Variants in CLK3 observed in about 807,000 individuals in gnomAD.
The protein encoded by CLK3 is dual specificity protein kinase CLK3.
CLK3 carries 24 observed loss-of-function variants against 65.2 expected under a neutral mutation model. The observed-to-expected ratio is 0.37, with a 90% CI of 0.27 to 0.52. The LOEUF is 0.52. Among genes scored for constraint, CLK3 ranks in the 20% least tolerant of loss-of-function variants. CLK3 has a pLI of 0.92. For synonymous variants in CLK3, 252 were observed against 240.8 expected, an observed-to-expected ratio of 1.05 and a Z score of -0.43; for missense variants, 506 against 660.0, an observed-to-expected ratio of 0.77 and a Z score of 2.56.
At chr15:74,629,151 G>T (rs2062171039) in intron 12 of CLK3, 119 bp downstream of exon 12, 1 of 811,430 alleles carries the variant, frequency 1.2e-6, no homozygotes, top group South Asian at 1.4e-5. Context: ...CAGCTCTATG[G>T]GAGGCGGCAC....
At chr15:74,617,084 G>T (rs1596285830) in intron 1 of CLK3, among the ~76,000 whole-genome samples, 1 of 152,208 alleles carries the variant, frequency 6.6e-6, no homozygotes, top group Admixed American at 6.5e-5. Flanking sequence ...ATGTGTTAAA[G>T]GAAGGATACT....
upstream of CLK3, among the ~76,000 whole-genome samples, chr15:74,614,488 G>GT (rs1436654493): frequency 6.6e-6 from 1 of 152,184 alleles, no homozygotes; most frequent in Non-Finnish European, 1.5e-5. Context: ...GCTAATTTTT[G>GT]TAATTTTTTG....
At position 74,624,530 on chromosome 15, in the gene CLK3, A is replaced by C; in HGVS notation, c.534-372A>C. On this transcript the variant is annotated intron_variant, in intron 5 of 12. Transcript: ENST00000395066. The surrounding 1 kb of genome is among the most constrained non-coding windows in gnomAD (Gnocchi z 4.2). ...GCGCCGCAGGAGGGTTCTCGGTGGG[A>C]CAGCCTGGCCAGGGTTGGGGCTGCC... The C allele has an allele frequency of 1.1e-5, 2 of 186,088 alleles. No homozygotes were observed. Among genetic ancestry groups the C allele is most frequent in the Non-Finnish European group, 2.2e-5 (2 of 92,606 alleles). 11.5% of individuals were successfully genotyped at this position (186,088 alleles called of 1,614,324 possible).
chr15:74,612,467 C>G (rs1026532601), upstream of CLK3, among the ~76,000 whole-genome samples: 2 of 152,108 alleles, frequency 1.3e-5, no homozygotes, highest in East Asian at 3.9e-4. Flanking sequence ...GGGTCTGGGC[C>G]CAAGTCCACT....
In CLK3 at chr15:74,625,934, G is replaced by A; in HGVS notation, c.783G>A (p.Arg261=). The A allele has an allele frequency of 1.2e-6, 2 of 1,614,114 alleles. No individual in the cohort carries two copies. The highest frequency in any genetic ancestry group is 1.7e-5 in the Admixed American group (1 of 60,012). ...NFQPYPLPHV[R]HMAYQLCHAL... is the part of the protein sequence containing the mutation. ...AGCCTTACCCCCTACCACATGTCCG[G>A]CACATGGCCTACCAGCTCTGCCACG... Residue 261 remains arginine, a synonymous_variant, in exon 7 of 13, where the codon CGG becomes CGA. Transcript: ENST00000395066.
chr15:74,627,371 G>T lies in CLK3; in HGVS notation c.837G>T (p.Leu279=). The change falls in exon 8 of 13, where the codon CTG becomes CTT. Residue 279 remains leucine (L), a synonymous_variant. Coordinates refer to ENST00000395066, the MANE Select transcript of CLK3 (RefSeq NM_001130028.2). This position sits in a 1 kb window ranked among gnomAD's most constrained non-coding sequence, Gnocchi z 4.3. ...HALRFLHENQ[L]THTDLKPENI... is the part of the protein sequence containing the mutation. ...CCTTAGTTCTGCATGAGAATCAGCT[G>T]ACCCATACAGACTTGAAACCAGAGA... 1.2e-6 allele frequency: 2 copies of T among 1,613,872 alleles called. No homozygotes were observed. The highest frequency in any genetic ancestry group is 1.1e-5 in the South Asian group (1 of 91,034).
rs2062154696 is a variant in CLK3, at chr15:74,627,666, T to C, written c.1040T>C (p.Leu347Pro). Residue 347 changes from leucine (L) to proline (P), a missense_variant and splice_region_variant, in exon 9 of 13, where the codon CTT becomes CCT. Coordinates refer to ENST00000395066, the MANE Select transcript of CLK3 (RefSeq NM_001130028.2). The surrounding 1 kb of genome is among the most constrained non-coding windows in gnomAD (Gnocchi z 4.3). Reference protein sequence around the residue: ...TRHYRPPEVILELGWAQPCDV... With the variant: ...TRHYRPPEVIPELGWAQPCDV... ...CACTATCGCCCGCCTGAGGTGATCC[T>C]TGGTGAGTGACTGTATGGCCTGTGA... is the stretch of plus-strand genomic sequence containing the variant. The C allele has an allele frequency of 1.2e-6, 2 of 1,613,420 alleles. No individual in the cohort carries two copies. The highest frequency in any genetic ancestry group is 1.3e-5 in the African/African-American group (1 of 74,934).
chr15:74,629,665 C>T (rs754097374), intron 12 of CLK3, 42 bp from the exon 13 acceptor site: 22 of 1,541,184 alleles, frequency 1.4e-5, no homozygotes, highest in Admixed American at 8.6e-5. Context: ...TGGCTTCCCA[C>T]GACCCTGCCG....
chr15:74,628,888 A>G (rs901359646), intron 11 of CLK3, 54 bp from the exon 12 acceptor site: 11 of 1,329,618 alleles, frequency 8.3e-6, no homozygotes, highest in Non-Finnish European at 1.2e-5. Context: ...ACCTCCCACC[A>G]GAGGCTTGTC....
At position 74,623,515 on chromosome 15, in the gene CLK3, G is replaced by C. The variant is rs561579912; in HGVS notation, c.533+955G>C. The C allele has an allele frequency of 2.0e-5, 3 of 152,406 alleles. No individual in the cohort carries two copies. The East Asian group carries it at 5.8e-4, about 29-fold the overall frequency. 9.4% of individuals were successfully genotyped at this position (152,406 alleles called of 1,614,324 possible). On this transcript the variant is annotated intron_variant, in intron 5 of 12. Transcript: ENST00000395066. The stretch of plus-strand genomic sequence containing the variant: ...CAGCCTTTCCTGTGGCCACGAGATA[G>C]ACTGAGAGGAAGTGTCCATTTGCTC...
At chr15:74,625,071 C>A in intron 6 of CLK3, 53 bp downstream of exon 6, 1 of 1,357,530 alleles carries the variant, frequency 7.4e-7, no homozygotes, top group Non-Finnish European at 1.1e-6. Flanking sequence ...TGCTGGACCC[C>A]CAGGGGCTTA....
intron 2 of CLK3, 105 bp from the exon 3 acceptor site, chr15:74,619,904 C>A (rs2062087724): frequency 1.3e-6 from 2 of 1,546,084 alleles, no homozygotes; most frequent in South Asian, 1.2e-5. Context: ...ATGCTTTTAG[C>A]ACAGGCTGTC....
Position 74,624,657 on chromosome 15 carries a change from A to G in CLK3, c.534-245A>G, listed in dbSNP as rs2062129806. The G allele has an allele frequency of 1.8e-6, 1 of 559,052 alleles. No individual in the cohort carries two copies. Among genetic ancestry groups the G allele is most frequent in the Non-Finnish European group, 3.2e-6 (1 of 310,174 alleles). The allele number at this position is 559,052 out of a possible 1,614,324, so 34.6% of individuals were successfully genotyped here. A position where few individuals can be genotyped will look rare whatever the true frequency, so the allele number is the denominator to read the frequency against. ...CTCCTTTGGGAGCTGGCAGTGGCTG[A>G]GAACATAAAAGCCTAAGGATGGCAA... On this transcript the variant is annotated intron_variant, in intron 5 of 12. Transcript: ENST00000395066. The surrounding 1 kb of genome is among the most constrained non-coding windows in gnomAD (Gnocchi z 4.2).
At chr15:74,615,815 C>T (rs1483734544), upstream of CLK3, 2 of 1,246,790 alleles carry the variant, frequency 1.6e-6, no homozygotes, top group African/African-American at 1.5e-5. Flanking sequence ...GGCGGGGCTG[C>T]CACGGGCGGA....
intron 1 of CLK3, among the ~76,000 whole-genome samples, chr15:74,618,547 A>G (rs2062077198): frequency 6.6e-6 from 1 of 152,228 alleles, no homozygotes; most frequent in South Asian, 2.1e-4. Context: ...CGCTGGGTCC[A>G]CGTCCCCTTG....
rs2062111626 is a variant in CLK3 at position 74,622,481 on chromosome 15, T to G, written c.467-13T>G. 6.2e-7 allele frequency: 1 copy of G among 1,600,224 alleles called. No homozygotes were observed. Among genetic ancestry groups the G allele is most frequent in the Non-Finnish European group, 8.5e-7 (1 of 1,173,562 alleles). On this transcript the variant is annotated splice_polypyrimidine_tract_variant and intron_variant, in intron 4 of 12. Coordinates refer to ENST00000395066, the MANE Select transcript of CLK3 (RefSeq NM_001130028.2). The surrounding 1 kb of genome is among the most constrained non-coding windows in gnomAD (Gnocchi z 4.6). ...CCTCCAGATTCTCATGCCCAATTTC[T>G]TTTCTCTCCTAGATGAGATTGTGGG...
rs973645376 is a variant in CLK3 at position 74,619,177 on chromosome 15, C to G, written c.1-20C>G. The G allele has an allele frequency of 1.9e-6, 3 of 1,613,080 alleles. No individual in the cohort carries two copies. The highest frequency in any genetic ancestry group is 1.3e-5 in the African/African-American group (1 of 75,026). On this transcript the variant is annotated intron_variant, in intron 1 of 12. Transcript: ENST00000395066. ...GGCTGGCTGTGTGTTTAGCAGGGCT[C>G]TCTGTTCCTCGTGGCCTAGATGCAT...
In CLK3 at chr15:74,610,256, C is replaced by T. The variant is rs181920135; in HGVS notation, c.-1+1830C>T. Among the ~76,000 whole-genome samples the T allele has an allele frequency of 2.6e-5, 4 of 152,360 alleles. No individual in the cohort carries two copies. In the East Asian group the frequency reaches 7.7e-4, roughly 29 times the overall value. On this transcript the variant is annotated intron_variant, in intron 1 of 12. Transcript: ENST00000345005. Reference sequence around the variant, plus strand: ...CCTGTGGGTAGAAGGGATGGTCTGCCTGTTCCCTGCCACCCCACCCCTCCC... The same window carrying T: ...CCTGTGGGTAGAAGGGATGGTCTGCTTGTTCCCTGCCACCCCACCCCTCCC...
chr15:74,628,299 C>A (rs1173912251), intron 10 of CLK3, among the ~76,000 whole-genome samples: 2 of 146,944 alleles, frequency 1.4e-5, no homozygotes, highest in African/African-American at 5.1e-5. Flanking sequence ...AGGAGGTGAC[C>A]TGACCTTCTA....
Sources: allele counts gnomAD v4.1 joint callset (sites outside exome capture counted in the v4.1 genomes callset), GRCh38; gene constraint gnomAD v4.1.1; non-coding constraint Gnocchi (gnomAD v3.1); transcripts MANE v1.5; gene names NCBI Gene and HGNC (gene_info 2026-07-23, HGNC 2026-07-21).